Variants in VTI1A observed in about 807,000 individuals in gnomAD.
VTI1A encodes the protein vesicle transport through interaction with t-SNAREs 1A, also known as vesicle transport through interaction with t-SNAREs homolog 1A.
VTI1A carries 22 observed loss-of-function variants against 34.9 expected under a neutral mutation model. The ratio of observed to expected loss-of-function variants is 0.63; its 90% CI spans 0.45 to 0.90. The LOEUF is 0.90. Among genes scored for constraint, VTI1A ranks in the 40% least tolerant of loss-of-function variants. The probability of loss-of-function intolerance (pLI) is 0.00; values close to 1 mark genes in which losing one functional copy is unlikely to be tolerated. For synonymous variants in VTI1A, 87 were observed against 97.3 expected (o/e 0.89, Z 0.62); for missense variants, 268 against 275.6 (o/e 0.97, Z 0.20).
intron 5 of VTI1A, among the ~76,000 whole-genome samples, chr10:112,615,487 A>G (rs180674162): frequency 9.3e-4 from 141 of 152,298 alleles, no homozygotes; most frequent in African/African-American, 3.3e-3. Flanking sequence ...TTGAGGCCCT[A>G]TTACGTGGCA....
chr10:112,593,192 T>C (rs1289059244), intron 5 of VTI1A, among the ~76,000 whole-genome samples: 2 of 152,226 alleles, frequency 1.3e-5, no homozygotes, highest in Non-Finnish European at 2.9e-5. Flanking sequence ...AGAATGAGCT[T>C]AGGAACTTTT....
At chr10:112,582,132 T>C (rs563530971) in intron 5 of VTI1A, among the ~76,000 whole-genome samples, 1 of 152,266 alleles carries the variant, frequency 6.6e-6, no homozygotes, top group East Asian at 1.9e-4. Flanking sequence ...GCCAGCATGG[T>C]GGAATTCTGG....
rs149983051 is a variant in VTI1A at position 112,661,307 on chromosome 10, G to C, written c.428-6911G>C. On this transcript the variant is annotated intron_variant, in intron 5 of 7. Transcript: ENST00000393077. ...ATTTTTGTATTTTTAGTAGAGACAG[G>C]GTTTTGCCATGTTGGCCAGGCTGAT... is the stretch of plus-strand genomic sequence containing the variant. 7.6e-3 allele frequency among the ~76,000 whole-genome samples: 1,163 copies of C among 152,146 alleles called. 16 individuals are homozygous for C. The highest frequency in any genetic ancestry group is 0.027 in the African/African-American group (1,117 of 41,436).
chr10:112,516,786 T>C (rs1286618049), intron 3 of VTI1A, among the ~76,000 whole-genome samples: 2 of 152,066 alleles, frequency 1.3e-5, no homozygotes, highest in African/African-American at 4.8e-5. Context: ...TGGATTTGTG[T>C]AATGAAGGAG....
At chr10:112,803,047 C>T (rs931577462) in intron 7 of VTI1A, among the ~76,000 whole-genome samples, 3 of 152,118 alleles carry the variant, frequency 2.0e-5, no homozygotes, top group Non-Finnish European at 2.9e-5. Flanking sequence ...CCAGTCGTCC[C>T]ATGCCCCCTC....
intron 3 of VTI1A, among the ~76,000 whole-genome samples, chr10:112,505,091 A>G (rs1272452714): frequency 2.0e-5 from 3 of 151,928 alleles, no homozygotes; most frequent in Non-Finnish European, 2.9e-5. Flanking sequence ...CAAACACTAA[A>G]TTTATCCTAT....
chr10:112,641,175 T>C (rs1846556390), intron 5 of VTI1A, among the ~76,000 whole-genome samples: 1 of 152,084 alleles, frequency 6.6e-6, no homozygotes, highest in African/African-American at 2.4e-5. Context: ...CTGAGCAGGC[T>C]TGTTGAGCTG....
intron 7 of VTI1A, among the ~76,000 whole-genome samples, chr10:112,808,532 G>T (rs559699187): frequency 1.1e-4 from 17 of 151,730 alleles, no homozygotes; most frequent in Non-Finnish European, 2.2e-4. Flanking sequence ...GGCTGAGGCA[G>T]GAGAATCACT....
At chr10:112,730,471 A>C (rs1362120343) in intron 7 of VTI1A, among the ~76,000 whole-genome samples, 2 of 152,220 alleles carry the variant, frequency 1.3e-5, no homozygotes, top group African/African-American at 4.8e-5. Flanking sequence ...ATGTACAGCC[A>C]GGATGCCTAA....
chr10:112,640,561 CAAA>C (rs955796948), intron 5 of VTI1A, among the ~76,000 whole-genome samples: 1 of 150,536 alleles, frequency 6.6e-6, no homozygotes, highest in Non-Finnish European at 1.5e-5. Context: ...ACAACAACAA[CAAA>C]AAAAAACCCC....
intron 5 of VTI1A, among the ~76,000 whole-genome samples, chr10:112,581,158 A>T (rs1843917928): frequency 6.6e-6 from 1 of 152,112 alleles, no homozygotes; most frequent in Non-Finnish European, 1.5e-5. Context: ...CACAGGGAGG[A>T]GAGTGTAGTC....
intron 7 of VTI1A, among the ~76,000 whole-genome samples, chr10:112,714,840 A>G (rs1029216510): frequency 6.6e-6 from 1 of 152,250 alleles, no homozygotes; most frequent in Non-Finnish European, 1.5e-5. Context: ...TCAAGTAAGT[A>G]AAAAACTGGC....
At chr10:112,842,358 C>T in the VTI1A span, among the ~76,000 whole-genome samples, 3 of 152,152 alleles carry the variant, frequency 2.0e-5, no homozygotes, top group Non-Finnish European at 4.4e-5. Context: ...CTTCCCATTA[C>T]AGCCAGGTGT....
chr10:112,700,194 C>G (rs1047823512), intron 7 of VTI1A, among the ~76,000 whole-genome samples: 2 of 146,174 alleles, frequency 1.4e-5, no homozygotes, highest in Non-Finnish European at 3.0e-5. Flanking sequence ...TACAGATAGA[C>G]ATGCTAAGAC....
chr10:112,477,337 G>A (rs1168735354), intron 3 of VTI1A, among the ~76,000 whole-genome samples: 2 of 152,188 alleles, frequency 1.3e-5, no homozygotes, highest in African/African-American at 2.4e-5. Flanking sequence ...GCTTAAGTGC[G>A]ATCATATTGG....
chr10:112,601,085 A>G (rs1844857864), intron 5 of VTI1A, among the ~76,000 whole-genome samples: 1 of 152,192 alleles, frequency 6.6e-6, no homozygotes, highest in Non-Finnish European at 1.5e-5. Context: ...AGAAGGGAGC[A>G]CTGTATCCAG....
At chr10:112,843,352 C>T in the VTI1A span, among the ~76,000 whole-genome samples, 1 of 152,300 alleles carries the variant, frequency 6.6e-6, no homozygotes, top group Non-Finnish European at 1.5e-5. Context: ...AGGGCCAGCT[C>T]CTGGTTCATT....
intron 3 of VTI1A, among the ~76,000 whole-genome samples, chr10:112,494,367 T>C (rs566302809): frequency 1.3e-5 from 2 of 152,234 alleles, no homozygotes; most frequent in South Asian, 4.1e-4. Flanking sequence ...TATTTATCTG[T>C]TTTCTGTTTT....
At chr10:112,560,145 T>C (rs908126783) in intron 5 of VTI1A, among the ~76,000 whole-genome samples, 1 of 152,192 alleles carries the variant, frequency 6.6e-6, no homozygotes, top group African/African-American at 2.4e-5. Context: ...TGTTTAGTAA[T>C]GGGTGTACTT....
Sources: allele counts gnomAD v4.1 joint callset (sites outside exome capture counted in the v4.1 genomes callset), GRCh38; gene constraint gnomAD v4.1.1; transcripts MANE v1.5; gene names NCBI Gene and HGNC (gene_info 2026-07-23, HGNC 2026-07-21).